The following PCLO variants were observed in gnomAD, a reference collection of about 807,000 sequenced individuals.
The protein encoded by PCLO is piccolo presynaptic cytomatrix protein, also known as protein piccolo.
Under a neutral mutation model 427.5 loss-of-function variants are expected in PCLO, and 82 were observed. The observed-to-expected ratio is 0.19, with a 90% confidence interval of 0.16 to 0.23. The LOEUF (loss-of-function observed/expected upper bound fraction) is 0.23, where lower values mean the gene tolerates loss of function less well. PCLO is among the 10% of genes least tolerant of loss of function. PCLO has a pLI of 1.00. For missense variants in PCLO, 6,239 were observed against 6,115.9 expected (o/e 1.02, Z -0.67); for synonymous variants, 2,357 against 2,155.4 (o/e 1.09, Z -2.59).
At chr7:82,800,417 T>C (rs1281797713) in intron 22 of PCLO, among the ~76,000 whole-genome samples, 2 of 152,166 alleles carry the variant, frequency 1.3e-5, no homozygotes, top group Non-Finnish European at 2.9e-5. Flanking sequence ...CCTTGTTCCA[T>C]GTGTGCACTT....
At chr7:82,842,180 T>A (rs2522835) in intron 13 of PCLO, among the ~76,000 whole-genome samples, 86,529 of 151,954 alleles carry the variant, frequency 0.57, 25,674 homozygotes, top group East Asian at 0.85. Context: ...ATGGTATGGC[T>A]TAAAAGCAGA....
chr7:83,001,716 T>A (rs1583893299), intron 3 of PCLO, among the ~76,000 whole-genome samples: 1 of 152,210 alleles, frequency 6.6e-6, no homozygotes, highest in East Asian at 1.9e-4. Flanking sequence ...CTCATGTGCA[T>A]GTCTGCCTCA....
chr7:82,794,319 T>C (rs967437249), intron 22 of PCLO, among the ~76,000 whole-genome samples: 8 of 151,930 alleles, frequency 5.3e-5, no homozygotes, highest in Admixed American at 3.9e-4. Flanking sequence ...TTCTGTGGAA[T>C]TACTGCTAGT....
At chr7:82,901,278 T>A (rs1358172749) in intron 9 of PCLO, among the ~76,000 whole-genome samples, 1 of 151,898 alleles carries the variant, frequency 6.6e-6, no homozygotes, top group East Asian at 1.9e-4. Flanking sequence ...ATATAAAAAG[T>A]GATGTTTTCC....
At chr7:82,934,359 A>C (rs1794904768) in intron 6 of PCLO, among the ~76,000 whole-genome samples, 1 of 151,840 alleles carries the variant, frequency 6.6e-6, no homozygotes, top group Non-Finnish European at 1.5e-5. Flanking sequence ...GGATCCACTC[A>C]CCTAGGCTTC....
At chr7:82,905,173 T>C (rs1159977930) in intron 8 of PCLO, among the ~76,000 whole-genome samples, 1 of 152,066 alleles carries the variant, frequency 6.6e-6, no homozygotes, top group Non-Finnish European at 1.5e-5. Context: ...TCATTGTCTT[T>C]TGGTGATTCC....
intron 20 of PCLO, among the ~76,000 whole-genome samples, chr7:82,819,002 T>C (rs1297113102): frequency 1.3e-5 from 2 of 152,212 alleles, no homozygotes; most frequent in African/African-American, 4.8e-5. Context: ...TCTTTTTATA[T>C]GTTTGTATCT....
At chr7:82,965,153 T>G (rs1429304150) in intron 4 of PCLO, among the ~76,000 whole-genome samples, 1 of 152,124 alleles carries the variant, frequency 6.6e-6, no homozygotes, top group East Asian at 1.9e-4. Flanking sequence ...ATGCTGATTA[T>G]AAATAACCTT....
chr7:82,957,425 A>G (rs1365324347), intron 4 of PCLO, among the ~76,000 whole-genome samples: 2 of 152,210 alleles, frequency 1.3e-5, no homozygotes, highest in Non-Finnish European at 1.5e-5. Flanking sequence ...ACAAAAAAAA[A>G]GCAAATAACA....
intron 9 of PCLO, among the ~76,000 whole-genome samples, chr7:82,891,784 T>C (rs1562840870): frequency 2.0e-5 from 3 of 152,106 alleles, no homozygotes; most frequent in Non-Finnish European, 4.4e-5. Flanking sequence ...TGTGCATCTA[T>C]TGAGATAATC....
chr7:83,136,018 A>C (rs541587151), intron 2 of PCLO, among the ~76,000 whole-genome samples: 63 of 151,972 alleles, frequency 4.1e-4, no homozygotes, highest in African/African-American at 1.5e-3. Flanking sequence ...AAATCACTTG[A>C]ATCCAGGAGG....
chr7:83,155,767 C>T lies in PCLO; in HGVS notation c.874G>A (p.Glu292Lys), dbSNP rs752727628. ...CTTGGCAGTGAGGGTTTAACTGATT[C>T]TCCCCTTACTATGTCTGCCTGTTTA... ...QTKQADIVRG[E>K]SVKPSLPSPS... Residue 292 changes from glutamate (E) to lysine (K), a missense_variant, in exon 2 of 25, where the codon GAA (glutamate) becomes AAA (lysine). Physicochemically the swap from Glu to Lys is moderately conservative, Grantham distance 56 (BLOSUM62 1). Transcript: ENST00000333891. 6.1e-5 allele frequency: 98 copies of T among 1,613,812 alleles called. No homozygotes were observed. The highest frequency in any genetic ancestry group is 8.0e-5 in the Non-Finnish European group (94 of 1,179,868).
chr7:82,997,566 T>C (rs1200406522), intron 3 of PCLO, among the ~76,000 whole-genome samples: 1 of 151,928 alleles, frequency 6.6e-6, no homozygotes, highest in East Asian at 1.9e-4. Flanking sequence ...AAATTACTTA[T>C]AAGCAAGCAG....
chr7:83,058,149 G>A (rs557584575), intron 3 of PCLO, among the ~76,000 whole-genome samples: 1 of 152,300 alleles, frequency 6.6e-6, no homozygotes, highest in South Asian at 2.1e-4. Context: ...GGTAGAAGTT[G>A]TAAAAATACA....
At chr7:82,874,918 GT>G (rs1793333796) in intron 10 of PCLO, among the ~76,000 whole-genome samples, 1 of 152,132 alleles carries the variant, frequency 6.6e-6, no homozygotes, top group Non-Finnish European at 1.5e-5. Context: ...CCTCAACACT[GT>G]TGGTCAAAAA....
At chr7:83,059,357 AATATATATATAT>A (rs752009069) in intron 3 of PCLO, among the ~76,000 whole-genome samples, 2 of 111,816 alleles carry the variant, frequency 1.8e-5, no homozygotes, top group Non-Finnish European at 3.5e-5. Flanking sequence ...ACACCTTTAA[AATATATATATAT>A]ATATATATAT....
At chr7:83,000,290 AG>A (rs57869328) in intron 3 of PCLO, among the ~76,000 whole-genome samples, 89,843 of 149,658 alleles carry the variant, frequency 0.6, 28,249 homozygotes, top group East Asian at 0.82. Context: ...AGAGAGAGAG[AG>A]AGAGAGAGAG....
intron 22 of PCLO, among the ~76,000 whole-genome samples, chr7:82,773,778 T>G (rs959440303): frequency 1.3e-5 from 2 of 152,092 alleles, no homozygotes; most frequent in Non-Finnish European, 2.9e-5. Context: ...TGCCTTCTTT[T>G]GCCCCAAGAG....
intron 10 of PCLO, among the ~76,000 whole-genome samples, chr7:82,855,179 C>T (rs185542610): frequency 2.0e-5 from 3 of 152,136 alleles, no homozygotes; most frequent in Admixed American, 6.6e-5. Flanking sequence ...AGGATTTCAT[C>T]GTCAAATGTG....
Sources: allele counts gnomAD v4.1 joint callset (sites outside exome capture counted in the v4.1 genomes callset), GRCh38; gene constraint gnomAD v4.1.1; transcripts MANE v1.5; gene names NCBI Gene and HGNC (gene_info 2026-07-23, HGNC 2026-07-21).